FMN1: variants seen among roughly 807,000 people sequenced by gnomAD.
FMN1 encodes formin 1, also known as formin-1.
A neutral mutation model predicts 132.4 loss-of-function variants in FMN1; 110 were observed. That is an observed-to-expected ratio of 0.83 (90% CI 0.71 to 0.97). The LOEUF (loss-of-function observed/expected upper bound fraction) is 0.97. Ranked by LOEUF, FMN1 falls within the 50% of genes least tolerant of loss-of-function variation. The pLI is 0.00. For missense variants in FMN1, 1,792 were observed against 1,705.3 expected (o/e 1.05, Z -0.90); for synonymous variants, 722 against 651.7 (o/e 1.11, Z -1.64).
intron 6 of FMN1, among the ~76,000 whole-genome samples, chr15:33,049,263 C>A (rs1330259319): frequency 2.0e-5 from 3 of 152,116 alleles, no homozygotes; most frequent in Non-Finnish European, 4.4e-5. Context: ...TTGGACTTAG[C>A]TCATGCATTA....
chr15:32,765,962 A>G lies in FMN1; in HGVS notation c.*8348T>C, dbSNP rs575822853. The G allele has an allele frequency of 1.3e-5, 2 of 152,348 alleles. No homozygotes were observed. Among genetic ancestry groups the G allele is most frequent in the African/African-American group, 4.8e-5 (2 of 41,586 alleles). The allele number at this position is 152,348 out of a possible 1,614,324, so 9.4% of individuals were successfully genotyped here. On this transcript the variant is annotated 3_prime_UTR_variant, in exon 21 of 21. Coordinates refer to ENST00000616417, the MANE Select transcript of FMN1 (RefSeq NM_001277313.2). ...AAAATTAAATATGCAAACAAATTAGAAATACGTATTTTTAAAAATGCAAAG... is the reference window on the plus strand; with the variant it reads ...AAAATTAAATATGCAAACAAATTAGGAATACGTATTTTTAAAAATGCAAAG...
intron 10 of FMN1, among the ~76,000 whole-genome samples, chr15:32,918,108 A>T (rs564210657): frequency 3.3e-5 from 5 of 149,908 alleles, no homozygotes; most frequent in South Asian, 2.1e-4. Context: ...GAATTTCTTT[A>T]AAAAAAAAAG....
intron 4 of FMN1, chr15:33,150,040 G>C (rs1964381189): frequency 1.0e-6 from 1 of 985,388 alleles, no homozygotes; most frequent in South Asian, 4.7e-5. Flanking sequence ...ACTATGCCTG[G>C]AGCATATGCT....
chr15:32,911,551 G>C (rs980579319), intron 10 of FMN1, among the ~76,000 whole-genome samples: 1 of 152,126 alleles, frequency 6.6e-6, no homozygotes, highest in East Asian at 1.9e-4. Context: ...GGTTGTTTTT[G>C]AGGTATTTTG....
chr15:33,090,040 C>A (rs902112225), intron 4 of FMN1, among the ~76,000 whole-genome samples: 8 of 152,168 alleles, frequency 5.3e-5, no homozygotes, highest in Non-Finnish European at 1.2e-4. Flanking sequence ...ATGTCGCAAG[C>A]CACTTAATGT....
At chr15:33,012,236 CGCTCAAGAACT>C (rs2034769918) in intron 6 of FMN1, 1 of 681,498 alleles carries the variant, frequency 1.5e-6, no homozygotes, top group African/African-American at 1.8e-5. Context: ...CAATGGGGAA[CGCTCAAGAACT>C]GTGTGGTAAT....
intron 4 of FMN1, among the ~76,000 whole-genome samples, chr15:33,124,435 T>C (rs1312643486): frequency 6.6e-6 from 1 of 152,114 alleles, no homozygotes; most frequent in Non-Finnish European, 1.5e-5. Context: ...AAGCTTCCCA[T>C]GGCCCTGCCA....
At chr15:32,986,370 GA>G (rs2033070928) in intron 7 of FMN1, among the ~76,000 whole-genome samples, 2 of 152,062 alleles carry the variant, frequency 1.3e-5, no homozygotes, top group Admixed American at 1.3e-4. Context: ...ACCCCACAGA[GA>G]AGATTCCCTG....
chr15:33,161,455 G>A (rs1308799807), intron 3 of FMN1, among the ~76,000 whole-genome samples: 1 of 152,164 alleles, frequency 6.6e-6, no homozygotes, highest in African/African-American at 2.4e-5. Context: ...TTCTCCTCCA[G>A]CTGCAGCTGC....
intron 4 of FMN1, among the ~76,000 whole-genome samples, chr15:33,091,452 T>G (rs2038900819): frequency 6.6e-6 from 1 of 152,186 alleles, no homozygotes; most frequent in Non-Finnish European, 1.5e-5. Context: ...TTTTAAAGAG[T>G]TAATTTCTGA....
At chr15:32,939,705 T>C (rs934427762) in intron 9 of FMN1, among the ~76,000 whole-genome samples, 1 of 152,158 alleles carries the variant, frequency 6.6e-6, no homozygotes, top group Non-Finnish European at 1.5e-5. Context: ...GGGTATTTAG[T>C]CTCCCAAATC....
At chr15:32,794,823 G>C (rs1258748) in intron 19 of FMN1, among the ~76,000 whole-genome samples, 1 of 152,170 alleles carries the variant, frequency 6.6e-6, no homozygotes, top group Non-Finnish European at 1.5e-5. Context: ...ATGATACATC[G>C]TAAATGCAAT....
intron 5 of FMN1, chr15:33,066,954 T>C (rs1464873357): frequency 2.5e-6 from 4 of 1,613,804 alleles, no homozygotes; most frequent in Non-Finnish European, 3.4e-6. Context: ...ACAGGCTGCG[T>C]CAATTTGAGC....
chr15:32,828,671 G>A (rs1376763178), intron 17 of FMN1, among the ~76,000 whole-genome samples: 1 of 152,146 alleles, frequency 6.6e-6, no homozygotes, highest in Non-Finnish European at 1.5e-5. Context: ...ATAAACATTT[G>A]CGGTTAAAAT....
intron 4 of FMN1, among the ~76,000 whole-genome samples, chr15:33,132,467 T>C (rs1003386101): frequency 3.3e-5 from 5 of 152,202 alleles, no homozygotes; most frequent in African/African-American, 9.7e-5. Flanking sequence ...TTCTTTCCAA[T>C]GTAGCCCACA....
intron 9 of FMN1, among the ~76,000 whole-genome samples, chr15:32,950,020 T>TATATATATACAC (rs1555503202): frequency 0.062 from 175 of 2,812 alleles, 34 homozygotes; most frequent in Non-Finnish European, 0.13. Flanking sequence ...TATATACACA[T>TATATATATACAC]ATATATATAT....
intron 19 of FMN1, among the ~76,000 whole-genome samples, chr15:32,788,468 C>T (rs2056954018): frequency 6.6e-6 from 1 of 152,200 alleles, no homozygotes; most frequent in Admixed American, 6.5e-5. Flanking sequence ...CTACCACCTA[C>T]TGAGTCTCAC....
At chr15:33,096,935 T>C (rs1410984699) in intron 4 of FMN1, among the ~76,000 whole-genome samples, 3 of 152,052 alleles carry the variant, frequency 2.0e-5, no homozygotes, top group East Asian at 3.9e-4. Context: ...TTCAGACTGG[T>C]TGATAATGTC....
chr15:32,856,025 G>A (rs1330868273), intron 17 of FMN1, among the ~76,000 whole-genome samples: 1 of 152,198 alleles, frequency 6.6e-6, no homozygotes, highest in Non-Finnish European at 1.5e-5. Flanking sequence ...TTTCATCATG[G>A]AGAAGGGAGC....
Sources: allele counts gnomAD v4.1 joint callset (sites outside exome capture counted in the v4.1 genomes callset), GRCh38; gene constraint gnomAD v4.1.1; transcripts MANE v1.5; gene names NCBI Gene and HGNC (gene_info 2026-07-23, HGNC 2026-07-21).